ELN: variants seen among roughly 807,000 people sequenced by gnomAD.
ELN encodes the protein elastin, also known as tropoelastin.
A neutral mutation model predicts 105.8 loss-of-function variants in ELN; 65 were observed. That is an observed-to-expected ratio of 0.61 (90% CI 0.50 to 0.75). The LOEUF (loss-of-function observed/expected upper bound fraction) is 0.75. Among genes scored for constraint, ELN ranks in the 30% least tolerant of loss-of-function variants. ELN has a pLI of 0.00. For missense variants in ELN, 882 were observed against 969.4 expected, an observed-to-expected ratio of 0.91 and a Z score of 1.20; for synonymous variants, 368 against 389.2, an observed-to-expected ratio of 0.95 and a Z score of 0.64.
At position 74,041,214 on chromosome 7, in the gene ELN, A is replaced by T; in HGVS notation, c.197-2A>T. On this transcript the variant is annotated splice_acceptor_variant, in intron 4 of 32. Coordinates refer to ENST00000252034, the MANE Select transcript of ELN (RefSeq NM_000501.4). LOFTEE classifies it high-confidence loss of function. Reference sequence around the variant, plus strand: ...ACTCCTGTCTCTGTTTCTTATCCACAGTTCCCGGAGGGCTTGCGGGTGCTG... The same window carrying T: ...ACTCCTGTCTCTGTTTCTTATCCACTGTTCCCGGAGGGCTTGCGGGTGCTG... 6.2e-7 allele frequency: 1 copy of T among 1,613,944 alleles called. No individual in the cohort carries two copies. The highest frequency in any genetic ancestry group is 8.5e-7 in the Non-Finnish European group (1 of 1,179,866).
At chr7:74,036,419 C>T (rs1476636260) in intron 2 of ELN, 136 bp from the exon 3 acceptor site, 36 of 1,148,814 alleles carry the variant, frequency 3.1e-5, no homozygotes, top group East Asian at 4.7e-5. Flanking sequence ...AAGAGAAAAC[C>T]GAGGCTTGCA....
Position 74,042,554 on chromosome 7 carries a change from A to G in ELN, c.233-60A>G, listed in dbSNP as rs575320410. The G allele has an allele frequency of 8.6e-6, 13 of 1,507,066 alleles. No homozygotes were observed. In the African/African-American group the frequency reaches 1.5e-4, roughly 17 times the overall value. The allele number at this position is 1,507,066 out of a possible 1,614,324, so 93.4% of individuals were successfully genotyped here. Reference sequence around the variant, plus strand: ...GTGGGGCACAGCCAGGCAGGGCCAGAGCGTAGGAGTCTTCATAGGTGTGGT... The same window carrying G: ...GTGGGGCACAGCCAGGCAGGGCCAGGGCGTAGGAGTCTTCATAGGTGTGGT... On this transcript the variant is annotated intron_variant, in intron 5 of 32. Transcript: ENST00000252034.
At chr7:74,043,777 C>A in intron 8 of ELN, 102 bp from the exon 9 acceptor site, 2 of 1,464,152 alleles carry the variant, frequency 1.4e-6, no homozygotes, top group Non-Finnish European at 9.4e-7. Flanking sequence ...GGCACAGAGG[C>A]TGTGGGTTTG....
intron 15 of ELN, among the ~76,000 whole-genome samples, chr7:74,050,423 A>G (rs1563814446): frequency 6.7e-6 from 1 of 149,570 alleles, no homozygotes; most frequent in East Asian, 2.0e-4. Context: ...CCATCCATCA[A>G]TCCATCTATC....
rs377140666 is a variant in ELN at position 74,065,981 on chromosome 7, G to A, written c.2070G>A (p.Gly690=). ...TTGGAGGTGTCCTAGGGGGTGCCGG[G>A]CAGTTCCCACTTGGAGGTAGGGGTG... is the stretch of plus-strand genomic sequence containing the variant. The part of the protein sequence containing the change: ...AGLGGVLGGA[G]QFPLGGVAAR... The change falls in exon 31 of 33, where the codon GGG becomes GGA. Residue 690 remains glycine (G), a synonymous_variant. Transcript: ENST00000252034. The A allele has an allele frequency of 2.0e-5, 32 of 1,614,096 alleles. No individual in the cohort carries two copies. In the East Asian group the frequency reaches 2.2e-4, roughly 11 times the overall value.
chr7:74,067,483 G>T (rs1397462309), intron 32 of ELN, among the ~76,000 whole-genome samples: 1 of 151,434 alleles, frequency 6.6e-6, no homozygotes, highest in African/African-American at 2.4e-5. Flanking sequence ...GGCCAGGCTG[G>T]TCTCGAACTC....
intron 15 of ELN, among the ~76,000 whole-genome samples, chr7:74,051,477 T>C (rs1554675953): frequency 6.6e-6 from 1 of 152,182 alleles, no homozygotes; most frequent in Admixed American, 6.5e-5. Flanking sequence ...GAGCGGCCAC[T>C]TGTGGTTTCT....
At chr7:74,056,762 C>G in intron 21 of ELN, 49 bp downstream of exon 21, 1 of 1,612,372 alleles carries the variant, frequency 6.2e-7, no homozygotes. Context: ...TCCCGCGGGG[C>G]TCAGGGTCCA....
chr7:74,041,260 T>G lies in ELN; in HGVS notation c.232+9T>G. 6.2e-7 allele frequency: 1 copy of G among 1,613,886 alleles called. No individual in the cohort carries two copies. Among genetic ancestry groups the G allele is most frequent in the Non-Finnish European group, 8.5e-7 (1 of 1,179,818 alleles). On this transcript the variant is annotated intron_variant, in intron 5 of 32. Coordinates refer to ENST00000252034, the MANE Select transcript of ELN (RefSeq NM_000501.4). ...TGCTGGCCTTGGGGCAGGTGAGTGCTGACACCCAAGAAAGATATCCCCTGT... is the reference window on the plus strand; with the variant it reads ...TGCTGGCCTTGGGGCAGGTGAGTGCGGACACCCAAGAAAGATATCCCCTGT...
chr7:74,045,903 C>A, intron 10 of ELN: 1 of 476,774 alleles, frequency 2.1e-6, no homozygotes, highest in Non-Finnish European at 3.8e-6. Flanking sequence ...GGCGTGGTGG[C>A]CTGCACCTGT....
intron 1 of ELN, among the ~76,000 whole-genome samples, chr7:74,031,641 G>T (rs1486787770): frequency 1.3e-5 from 2 of 152,210 alleles, no homozygotes; most frequent in African/African-American, 4.8e-5. Context: ...ATGGGGCCAG[G>T]TGCAGTGACT....
chr7:74,064,345 G>A (rs1383576217), intron 29 of ELN, among the ~76,000 whole-genome samples: 1 of 151,336 alleles, frequency 6.6e-6, no homozygotes, highest in Non-Finnish European at 1.5e-5. Flanking sequence ...AACCTGGGAG[G>A]CGGAGCTTGC....
chr7:74,029,042 C>T (rs769982190), intron 1 of ELN, among the ~76,000 whole-genome samples: 5 of 152,018 alleles, frequency 3.3e-5, no homozygotes, highest in Non-Finnish European at 7.4e-5. Context: ...CAGGTGTATG[C>T]GTATGTTTGG....
intron 1 of ELN, among the ~76,000 whole-genome samples, chr7:74,033,260 C>G (rs1446654431): frequency 6.6e-6 from 1 of 152,206 alleles, no homozygotes; most frequent in African/African-American, 2.4e-5. Context: ...CCACCTCCAC[C>G]ACACTGTTCC....
Position 74,054,732 on chromosome 7 carries a change from AGCAGCTGCTAAG to A in ELN, c.1122_1133del (p.Ala378_Ala381del), listed in dbSNP as rs782415043. The A allele has an allele frequency of 7.4e-6, 12 of 1,614,072 alleles. No individual in the cohort carries two copies. The highest frequency in any genetic ancestry group is 1.6e-4 in the Middle Eastern group (1 of 6,062). On this transcript the variant is annotated inframe_deletion, in exon 19 of 33. Transcript: ENST00000252034. ...TCTCTCCAGGGGTTGTGTCACCAGA[AGCAGCTGCTAAG>A]GCAGCTGCAAAGGCAGCCAAATACG... is the stretch of plus-strand genomic sequence containing the variant.
At chr7:74,044,311 C>T (rs182401314) in intron 9 of ELN, among the ~76,000 whole-genome samples, 4 of 152,166 alleles carry the variant, frequency 2.6e-5, no homozygotes, top group African/African-American at 7.2e-5. Flanking sequence ...CTCGCCTCCC[C>T]GAAAAGCAGA....
chr7:74,042,998 G>A lies in ELN; in HGVS notation c.340G>A (p.Gly114Ser), dbSNP rs1791590139. The change falls in exon 7 of 33, where the codon GGT becomes AGT. Residue 114 changes from glycine (G) to serine (S), a missense_variant. Coordinates refer to ENST00000252034, the MANE Select transcript of ELN (RefSeq NM_000501.4). ...KAAKAGAGLG[G>S]VPGVGGLGVS... ...TGGCTCTGCAGGCGCTGGGCTTGGT[G>A]GTGTCCCAGGAGTTGGTGGCTTAGG... 1.2e-6 allele frequency: 2 copies of A among 1,614,168 alleles called. No homozygotes were observed. Among genetic ancestry groups the A allele is most frequent in the Non-Finnish European group, 1.7e-6 (2 of 1,180,032 alleles).
Position 74,063,552 on chromosome 7 carries a change from C to T in ELN, c.1919-69C>T. 1.2e-6 allele frequency: 2 copies of T among 1,613,020 alleles called. No homozygotes were observed. Among genetic ancestry groups the T allele is most frequent in the East Asian group, 2.2e-5 (1 of 44,862 alleles). On this transcript the variant is annotated intron_variant, in intron 28 of 32. Coordinates refer to ENST00000252034, the MANE Select transcript of ELN (RefSeq NM_000501.4). This position sits in a 1 kb window ranked among gnomAD's most constrained non-coding sequence, Gnocchi z 4.1. ...CTGTGTCCCCAGAGGACACCTCCGC[C>T]CTCCACAGGCCGAGGCTTCAGTCCC...
intron 29 of ELN, among the ~76,000 whole-genome samples, chr7:74,064,423 A>AATATATAT (rs60621659): frequency 5.3e-5 from 7 of 133,144 alleles, no homozygotes; most frequent in South Asian, 2.4e-4. Context: ...TCAAAAAAAA[A>AATATATAT]ATATATATAT....
Sources: gnomAD v4.1 joint callset for allele counts (sites outside exome capture counted in the v4.1 genomes callset) on GRCh38, gnomAD v4.1.1 for gene constraint, Gnocchi (gnomAD v3.1) non-coding constraint, MANE v1.5 for transcripts, NCBI Gene and HGNC (gene_info 2026-07-23, HGNC 2026-07-21) for gene names.